The following ZNF737 variants were observed in gnomAD, a reference collection of about 807,000 sequenced individuals.
ZNF737 encodes the protein zinc finger protein 102 (Y3).
A neutral mutation model predicts 11.7 loss-of-function variants in ZNF737; 13 were observed. The ratio of observed to expected loss-of-function variants is 1.11; its 90% confidence interval spans 0.73 to 1.77. ZNF737 has a LOEUF of 1.77. Among genes scored for constraint, ZNF737 ranks in the 40% most tolerant of loss-of-function variants. The probability of loss-of-function intolerance (pLI) is 0.00; values close to 1 mark genes in which losing one functional copy is unlikely to be tolerated. For synonymous variants in ZNF737, 217 were observed against 216.2 expected (o/e 1.00, Z -0.03); for missense variants, 636 against 638.0 (o/e 1.00, Z 0.03).
At chr19:20,560,308 C>T (rs2144693421) in intron 1 of ZNF737, among the ~76,000 whole-genome samples, 2 of 151,994 alleles carry the variant, frequency 1.3e-5, no homozygotes, top group South Asian at 4.2e-4. Flanking sequence ...AATATCATGC[C>T]ATGGCACTCT....
intron 1 of ZNF737, among the ~76,000 whole-genome samples, chr19:20,557,740 C>G (rs1352177107): frequency 6.6e-6 from 1 of 151,816 alleles, no homozygotes; most frequent in Non-Finnish European, 1.5e-5. Context: ...TCTCAGCCTC[C>G]TGAGTAGCTG....
downstream of ZNF737, among the ~76,000 whole-genome samples, chr19:20,537,324 C>T (rs1968009316): frequency 6.6e-6 from 1 of 151,542 alleles, no homozygotes; most frequent in Non-Finnish European, 1.5e-5. Flanking sequence ...CCTCAGCCTC[C>T]CCAGTAGCTG....
rs1202966846 is a variant in ZNF737 at position 20,539,481 on chromosome 19, G to A, written c.*5111C>T. ...ATTTCTGTAAGTACGGCAATTATGC[G>A]AAGCCATTGAAAAAATGTGGTCTTG... On this transcript the variant is annotated 3_prime_UTR_variant, in exon 4 of 4. Coordinates refer to ENST00000427401, the MANE Select transcript of ZNF737 (RefSeq NM_001159293.2). The A allele has an allele frequency of 3.0e-6, 3 of 985,178 alleles. No homozygotes were observed. In the African/African-American group the frequency reaches 5.2e-5, roughly 17 times the overall value. The allele number at this position is 985,178 out of a possible 1,614,324, so 61.0% of individuals were successfully genotyped here.
At chr19:20,530,796 C>T in the ZNF737 span, among the ~76,000 whole-genome samples, 2 of 147,668 alleles carry the variant, frequency 1.4e-5, 1 homozygote, top group African/African-American at 5.0e-5. Context: ...GGCGGCCAGG[C>T]AGAGATGCTC....
downstream of ZNF737, among the ~76,000 whole-genome samples, chr19:20,536,850 G>A (rs2031169000): frequency 6.6e-6 from 1 of 152,184 alleles, no homozygotes; most frequent in Admixed American, 6.5e-5. Flanking sequence ...GGTTGAGGCA[G>A]GAGAATCTCT....
rs888449536 is a variant in ZNF737, at chr19:20,543,672, C to G, written c.*920G>C. Reference sequence around the variant, plus strand: ...TCCAACCTACAATCAAGAGTGGCAACCATATAAAGGCTTTGTCACATTTTA... The same window carrying G: ...TCCAACCTACAATCAAGAGTGGCAAGCATATAAAGGCTTTGTCACATTTTA... On this transcript the variant is annotated 3_prime_UTR_variant, in exon 4 of 4. Coordinates refer to ENST00000427401, the MANE Select transcript of ZNF737 (RefSeq NM_001159293.2). The G allele has an allele frequency of 4.1e-6, 4 of 985,326 alleles. No individual in the cohort carries two copies. The highest frequency in any genetic ancestry group is 4.7e-5 in the South Asian group (1 of 21,304). The allele number at this position is 985,326 out of a possible 1,614,324, so 61.0% of individuals were successfully genotyped here. A position where few individuals can be genotyped will look rare whatever the true frequency, so the allele number is the denominator to read the frequency against.
chr19:20,552,074 A>C (rs1555758605), intron 3 of ZNF737, among the ~76,000 whole-genome samples: 1 of 151,958 alleles, frequency 6.6e-6, no homozygotes, highest in Non-Finnish European at 1.5e-5. Context: ...AATAAACAAA[A>C]AAATTGGACA....
At chr19:20,558,687 T>A (rs1057476139) in intron 1 of ZNF737, among the ~76,000 whole-genome samples, 4 of 152,200 alleles carry the variant, frequency 2.6e-5, no homozygotes, top group Non-Finnish European at 2.9e-5. Context: ...TCCCTTACAC[T>A]GAGACAGAAG....
chr19:20,552,369 C>A (rs879951004), intron 3 of ZNF737, 106 bp downstream of exon 3: 22 of 667,154 alleles, frequency 3.3e-5, no homozygotes, highest in Non-Finnish European at 4.0e-5. Context: ...GAACTATTTT[C>A]TTTGGAGCAC....
At position 20,541,917 on chromosome 19, in the gene ZNF737, CA is replaced by C; in HGVS notation, c.*2674del. On this transcript the variant is annotated 3_prime_UTR_variant, in exon 4 of 4. Coordinates refer to ENST00000427401, the MANE Select transcript of ZNF737 (RefSeq NM_001159293.2). ...ATTACTACATATTGTAGGCCTGAGT[CA>C]AAAGATGCCATATAAGGCATAAATA... The C allele has an allele frequency of 4.5e-6, 3 of 662,796 alleles. No homozygotes were observed. Among genetic ancestry groups the C allele is most frequent in the Non-Finnish European group, 5.6e-6 (3 of 536,182 alleles). The allele number at this position is 662,796 out of a possible 1,614,324, so 41.1% of individuals were successfully genotyped here.
intron 3 of ZNF737, among the ~76,000 whole-genome samples, chr19:20,546,213 A>G (rs782731845): frequency 3.3e-5 from 5 of 152,322 alleles, no homozygotes; most frequent in Admixed American, 6.5e-5. Flanking sequence ...GCACAATGCA[A>G]AGAGCCACAT....
At chr19:20,562,480 T>C (rs1555762715) in intron 1 of ZNF737, among the ~76,000 whole-genome samples, 1 of 151,710 alleles carries the variant, frequency 6.6e-6, no homozygotes, top group Non-Finnish European at 1.5e-5. Flanking sequence ...CATGAGTAGC[T>C]GGGATTACAG....
At chr19:20,531,096 C>T (rs1479118535), downstream of ZNF737, among the ~76,000 whole-genome samples, 13 of 146,036 alleles carry the variant, frequency 8.9e-5, 1 homozygote, top group South Asian at 6.8e-4. Context: ...GGCGTGGCGG[C>T]GCGCGCCTGC....
rs782249545 is a variant in ZNF737 at position 20,553,825 on chromosome 19, T to G, written c.14A>C (p.Gln5Pro). ...GAATTCTATGGCCACGTCTCTAAAT[T>G]GCAATGGCCCCTGAAACACACACAC... MGPLQFRDVAIEFSL... is the reference protein window; with the variant it reads MGPLPFRDVAIEFSL... The change falls in exon 2 of 4, where the codon CAA becomes CCA. Residue 5 changes from glutamine to proline, a missense_variant. By Grantham distance (76) the Gln-to-Pro change is moderately conservative. Coordinates refer to ENST00000427401, the MANE Select transcript of ZNF737 (RefSeq NM_001159293.2). The G allele has an allele frequency of 1.2e-5, 19 of 1,613,308 alleles. No individual in the cohort carries two copies. The highest frequency in any genetic ancestry group is 1.4e-5 in the Non-Finnish European group (16 of 1,179,812).
At chr19:20,562,961 C>G (rs1442580355) in intron 1 of ZNF737, among the ~76,000 whole-genome samples, 2 of 151,614 alleles carry the variant, frequency 1.3e-5, no homozygotes, top group Middle Eastern at 3.2e-3. Context: ...CACCTCCTTT[C>G]TAATCTTGTT....
chr19:20,558,499 C>T (rs1466903824), intron 1 of ZNF737, among the ~76,000 whole-genome samples: 6 of 151,970 alleles, frequency 3.9e-5, no homozygotes, highest in Non-Finnish European at 8.8e-5. Context: ...AAAAAGACTG[C>T]TGCATAGTTT....
At chr19:20,561,961 C>T (rs1330230747) in intron 1 of ZNF737, among the ~76,000 whole-genome samples, 1 of 152,132 alleles carries the variant, frequency 6.6e-6, no homozygotes, top group African/African-American at 2.4e-5. Flanking sequence ...ATGCACAGAA[C>T]GAATAAAAGA....
At position 20,542,980 on chromosome 19, in the gene ZNF737, T is replaced by G. The variant is rs926893348; in HGVS notation, c.*1612A>C. Reference sequence around the variant, plus strand: ...AAAATCTACTCCTTTTAAAGTTAAATAGAAATCATTTACCTAAAAACTGCA... The same window carrying G: ...AAAATCTACTCCTTTTAAAGTTAAAGAGAAATCATTTACCTAAAAACTGCA... On this transcript the variant is annotated 3_prime_UTR_variant, in exon 4 of 4. Coordinates refer to ENST00000427401, the MANE Select transcript of ZNF737 (RefSeq NM_001159293.2). The G allele has an allele frequency of 4.1e-6, 4 of 984,932 alleles. No individual in the cohort carries two copies. Among genetic ancestry groups the G allele is most frequent in the African/African-American group, 1.7e-5 (1 of 57,232 alleles). 61.0% of individuals were successfully genotyped at this position (984,932 alleles called of 1,614,324 possible).
In ZNF737 at chr19:20,545,668, C is replaced by A; in HGVS notation, c.535G>T (p.Gly179Cys). 1 of 1,613,852 alleles carries A rather than the reference C, an allele frequency of 6.2e-7. No homozygotes were observed. The highest frequency in any genetic ancestry group is 8.5e-7 in the Non-Finnish European group (1 of 1,179,878). Residue 179 changes from glycine to cysteine, a missense_variant, in exon 4 of 4, where the codon GGC (glycine) becomes TGC (cysteine). By Grantham distance (159) the Gly-to-Cys change is radical. Transcript: ENST00000427401. ...GKKPFKCIEC[G>C]KAFNQSSTLT... ...GTTGAAGACTGGTTAAAAGCTTTGC[C>A]ACATTCTATACATTTGAAAGGTTTT... is the stretch of plus-strand genomic sequence containing the variant.
Sources: allele counts gnomAD v4.1 joint callset (sites outside exome capture counted in the v4.1 genomes callset), GRCh38; gene constraint gnomAD v4.1.1; transcripts MANE v1.5; gene names NCBI Gene and HGNC (gene_info 2026-07-23, HGNC 2026-07-21).